LRRC37A2: variants seen among roughly 807,000 people sequenced by gnomAD.
LRRC37A2 encodes the protein leucine-rich repeat-containing protein 37A2.
A neutral mutation model predicts 68.8 loss-of-function variants in LRRC37A2; 9 were observed. The ratio of observed to expected loss-of-function variants is 0.13; its 90% CI spans 0.08 to 0.23. The LOEUF is 0.23. Ranked by LOEUF, LRRC37A2 falls within the 10% of genes least tolerant of loss-of-function variation. The pLI is 1.00. For synonymous variants in LRRC37A2, 63 were observed against 367.6 expected (o/e 0.17, Z 9.48); for missense variants, 168 against 950.4 (o/e 0.18, Z 10.82).
At chr17:46,874,969 C>T in the LRRC37A2 span, 3 of 1,416,958 alleles carry the variant, frequency 2.1e-6, no homozygotes, top group East Asian at 2.3e-5. Context: ...AAGCCACATT[C>T]TCTTGTCCTG....
chr17:46,704,793 C>T, the LRRC37A2 span: 32 of 1,606,342 alleles, frequency 2.0e-5, no homozygotes, highest in Non-Finnish European at 2.5e-5. Context: ...ATGGAGAAAG[C>T]AGAAAGCCTG....
At chr17:46,940,513 T>G in the LRRC37A2 span, 1 of 1,613,810 alleles carries the variant, frequency 6.2e-7, no homozygotes, top group African/African-American at 1.3e-5. Flanking sequence ...ATCCATAAAA[T>G]GGATTCTGAG....
chr17:46,528,707 AGAGT>A (rs747600082), intron 6 of LRRC37A2: 3,483 of 649,712 alleles, frequency 5.4e-3, no homozygotes, highest in Middle Eastern at 0.021. Context: ...CCTGGGCAAC[AGAGT>A]GAGACTTCAT....
chr17:46,549,051 A>G (rs751631615), exon 10 of LRRC37A2: 1 of 1,612,122 alleles, frequency 6.2e-7, no homozygotes. Flanking sequence ...CCAGAAAAAA[A>G]TACCGCTTTC....
At chr17:46,993,160 T>C in the LRRC37A2 span, among the ~76,000 whole-genome samples, 1 of 152,174 alleles carries the variant, frequency 6.6e-6, no homozygotes, top group Non-Finnish European at 1.5e-5. Flanking sequence ...AATAAAGTTG[T>C]CAATAGCTTA....
At chr17:46,496,939 ATAT>A in the LRRC37A2 span, among the ~76,000 whole-genome samples, 1 of 129,498 alleles carries the variant, frequency 7.7e-6, no homozygotes, top group Non-Finnish European at 1.8e-5. Flanking sequence ...AAATTACTTA[ATAT>A]TAATATAAAA....
At chr17:46,991,457 T>C in the LRRC37A2 span, among the ~76,000 whole-genome samples, 1 of 151,706 alleles carries the variant, frequency 6.6e-6, no homozygotes, top group South Asian at 2.1e-4. Context: ...TGAAACCCCA[T>C]CTCTATCAAA....
At chr17:46,766,363 G>A in the LRRC37A2 span, among the ~76,000 whole-genome samples, 10 of 151,722 alleles carry the variant, frequency 6.6e-5, no homozygotes, top group Admixed American at 4.6e-4. Flanking sequence ...AGCCGAGATT[G>A]CGCACTTCAC....
At chr17:46,516,163 C>T (rs62073304) in intron 2 of LRRC37A2, among the ~76,000 whole-genome samples, 5,678 of 130,548 alleles carry the variant, frequency 0.043, no homozygotes, top group Non-Finnish European at 0.072. Context: ...ATTAGCCAGG[C>T]ATGGTGGTGG....
chr17:46,884,032 A>G, the LRRC37A2 span, among the ~76,000 whole-genome samples: 4 of 151,932 alleles, frequency 2.6e-5, no homozygotes, highest in Non-Finnish European at 5.9e-5. Flanking sequence ...TGGGCAGTGG[A>G]GTGGTGGAGG....
the LRRC37A2 span, among the ~76,000 whole-genome samples, chr17:47,035,290 A>G: frequency 7.4e-4 from 112 of 152,300 alleles, no homozygotes; most frequent in African/African-American, 2.6e-3. Flanking sequence ...TCATCCCCCA[A>G]AAAAACATGG....
the LRRC37A2 span, chr17:46,875,013 C>G: frequency 6.2e-7 from 1 of 1,606,922 alleles, no homozygotes; most frequent in African/African-American, 1.3e-5. Context: ...GCCTCTGGCC[C>G]TCAGAGGGCG....
chr17:46,872,042 C>T, the LRRC37A2 span, among the ~76,000 whole-genome samples: 1 of 152,158 alleles, frequency 6.6e-6, no homozygotes, highest in East Asian at 1.9e-4. Context: ...ATCCCCTCTG[C>T]CTGCCCCCTC....
chr17:47,029,995 G>A, the LRRC37A2 span, among the ~76,000 whole-genome samples: 11,511 of 150,944 alleles, frequency 0.076, 525 homozygotes, highest in Middle Eastern at 0.13. Context: ...ACCAGGAGGC[G>A]GAGGTTGCAG....
At chr17:46,745,124 G>A in the LRRC37A2 span, among the ~76,000 whole-genome samples, 1 of 152,076 alleles carries the variant, frequency 6.6e-6, no homozygotes, top group Non-Finnish European at 1.5e-5. Flanking sequence ...GAAGGTGGAG[G>A]TCCCCTCTTG....
At chr17:46,926,812 A>T in the LRRC37A2 span, among the ~76,000 whole-genome samples, 1 of 152,194 alleles carries the variant, frequency 6.6e-6, no homozygotes, top group Non-Finnish European at 1.5e-5. Flanking sequence ...AAGCAAATAG[A>T]GATTTGATGG....
At chr17:46,845,367 C>A in the LRRC37A2 span, among the ~76,000 whole-genome samples, 1 of 152,062 alleles carries the variant, frequency 6.6e-6, no homozygotes, top group East Asian at 1.9e-4. Context: ...GAAGTGGTAA[C>A]CAGGGCTGGG....
chr17:46,995,549 C>T, the LRRC37A2 span, among the ~76,000 whole-genome samples: 1 of 152,152 alleles, frequency 6.6e-6, no homozygotes, highest in East Asian at 1.9e-4. Flanking sequence ...CTTCTCCTTC[C>T]CATACTCCTT....
At chr17:46,935,199 G>A in the LRRC37A2 span, 2 of 1,613,070 alleles carry the variant, frequency 1.2e-6, no homozygotes, top group Non-Finnish European at 1.7e-6. Flanking sequence ...ACAGAGAGAA[G>A]GCCTCTTGTT....
Sources: allele counts gnomAD v4.1 joint callset (sites outside exome capture counted in the v4.1 genomes callset), GRCh38; gene constraint gnomAD v4.1.1; transcripts MANE v1.5; gene names NCBI Gene and HGNC (gene_info 2026-07-23, HGNC 2026-07-21).